The following DLC1 variants were observed in gnomAD, a reference collection of about 807,000 sequenced individuals.
DLC1 encodes the protein DLC1 Rho GTPase activating protein.
A neutral mutation model predicts 140.3 loss-of-function variants in DLC1; 54 were observed. The observed-to-expected ratio is 0.38, with a 90% CI of 0.31 to 0.48. The LOEUF is 0.48. Ranked by LOEUF, DLC1 falls within the 20% of genes least tolerant of loss-of-function variation. The pLI, the probability that DLC1 is intolerant of heterozygous loss-of-function variation, is 0.96. For synonymous variants in DLC1, 986 were observed against 728.1 expected, an observed-to-expected ratio of 1.35 and a Z score of -5.70; for missense variants, 2,536 against 1,907.0, an observed-to-expected ratio of 1.33 and a Z score of -6.14.
intron 1 of DLC1, among the ~76,000 whole-genome samples, chr8:13,541,074 C>G (rs532101509): frequency 6.6e-6 from 1 of 152,282 alleles, no homozygotes; most frequent in East Asian, 1.9e-4. Context: ...AGAAAATTAA[C>G]CAATTTTAAG....
intron 2 of DLC1, among the ~76,000 whole-genome samples, chr8:13,472,550 A>G (rs1033430117): frequency 6.6e-6 from 1 of 152,192 alleles, no homozygotes; most frequent in African/African-American, 2.4e-5. Flanking sequence ...GTCCCCAGAA[A>G]TCTTTAGTAG....
chr8:13,196,560 T>G (rs2117047925), intron 5 of DLC1, among the ~76,000 whole-genome samples: 1 of 152,342 alleles, frequency 6.6e-6, no homozygotes, highest in African/African-American at 2.4e-5. Flanking sequence ...TCTAATTCTG[T>G]GATTCTGTGG....
At chr8:13,342,836 TTCTCTCTCTC>T (rs1206303018) in intron 4 of DLC1, 1 of 126,180 alleles carries the variant, frequency 7.9e-6, no homozygotes, top group Non-Finnish European at 1.7e-5. Flanking sequence ...TCAGTTGTGC[TTCTCTCTCTC>T]TCTCTCTCTC....
chr8:13,567,747 C>T, intron 1 of DLC1: 4 of 1,552,036 alleles, frequency 2.6e-6, no homozygotes, highest in Non-Finnish European at 3.5e-6. Context: ...AAGACTTTCC[C>T]AGGCTTTCAG....
chr8:13,248,012 A>G (rs780140390), intron 5 of DLC1, among the ~76,000 whole-genome samples: 10 of 152,222 alleles, frequency 6.6e-5, no homozygotes, highest in African/African-American at 2.2e-4. Context: ...GCTGTCTACA[A>G]TGTTTAGTTA....
At chr8:13,396,377 T>A (rs1447312569) in intron 3 of DLC1, among the ~76,000 whole-genome samples, 3 of 152,234 alleles carry the variant, frequency 2.0e-5, no homozygotes, top group Non-Finnish European at 4.4e-5. Context: ...ATTTCCTGTT[T>A]GTGATTTGAT....
intron 5 of DLC1, among the ~76,000 whole-genome samples, chr8:13,203,520 G>C (rs183453048): frequency 6.6e-6 from 1 of 152,318 alleles, no homozygotes; most frequent in Non-Finnish European, 1.5e-5. Flanking sequence ...GGAAGAAGTT[G>C]AAGAAAACCT....
At chr8:13,449,464 A>G (rs1366318973) in intron 2 of DLC1, among the ~76,000 whole-genome samples, 1 of 152,164 alleles carries the variant, frequency 6.6e-6, no homozygotes, top group Non-Finnish European at 1.5e-5. Context: ...TCTATTATGT[A>G]CTGGCTATAG....
intron 1 of DLC1, among the ~76,000 whole-genome samples, chr8:13,551,047 A>AACACACACACAC (rs1554542230): frequency 1.6e-4 from 20 of 123,050 alleles, no homozygotes; most frequent in Middle Eastern, 4.4e-3. Flanking sequence ...GATTTCTTTA[A>AACACACACACAC]ACACACACAC....
At chr8:13,301,618 G>T (rs531349261) in intron 5 of DLC1, among the ~76,000 whole-genome samples, 2 of 152,328 alleles carry the variant, frequency 1.3e-5, no homozygotes, top group East Asian at 3.9e-4. Context: ...AGATGTGCTT[G>T]AGGGTATTCC....
At chr8:13,321,024 C>T (rs1307693963) in intron 4 of DLC1, among the ~76,000 whole-genome samples, 1 of 152,146 alleles carries the variant, frequency 6.6e-6, no homozygotes. Context: ...GCTTCTTGTA[C>T]AGCCCGCAGA....
chr8:13,103,551 G>A (rs1337460088), intron 7 of DLC1, among the ~76,000 whole-genome samples: 1 of 151,246 alleles, frequency 6.6e-6, no homozygotes, highest in African/African-American at 2.4e-5. Context: ...AGAAAGAAAA[G>A]TTTGTGACTC....
chr8:13,279,944 T>C (rs1831307774), intron 5 of DLC1, among the ~76,000 whole-genome samples: 2 of 151,894 alleles, frequency 1.3e-5, no homozygotes, highest in South Asian at 2.1e-4. Context: ...AGTGGAAATA[T>C]GAGTTCATTG....
intron 1 of DLC1, among the ~76,000 whole-genome samples, chr8:13,569,216 C>A (rs1429389256): frequency 6.6e-6 from 1 of 152,094 alleles, no homozygotes. Flanking sequence ...GTGGCATTAC[C>A]TGGAGATCAC....
At position 13,201,899 on chromosome 8, in the gene DLC1, T is replaced by TA. The variant is rs960905507; in HGVS notation, c.1349-86243dup. The stretch of plus-strand genomic sequence containing the variant: ...CATACAGATTATTTTCTCCCCCAGG[T>TA]ACTAAGTCTAGTACCCAAAAGGTTT... On this transcript the variant is annotated intron_variant, in intron 5 of 17. Transcript: ENST00000276297. Among the ~76,000 whole-genome samples, 23 of 151,190 alleles carry TA rather than the reference T, an allele frequency of 1.5e-4. No homozygotes were observed. In the South Asian group the frequency reaches 1.7e-3, roughly 11 times the overall value.
chr8:13,593,421 T>A (rs992136752), intron 1 of DLC1, among the ~76,000 whole-genome samples: 21 of 152,138 alleles, frequency 1.4e-4, no homozygotes, highest in Admixed American at 1.3e-3. Flanking sequence ...TTTGCACTGA[T>A]CGGTGAAATG....
chr8:13,311,995 C>CTGGT (rs1440348869), intron 4 of DLC1, among the ~76,000 whole-genome samples: 11 of 152,174 alleles, frequency 7.2e-5, no homozygotes, highest in African/African-American at 2.7e-4. Context: ...TGACAAAGCT[C>CTGGT]TGGTTGAGGC....
chr8:13,480,208 A>G (rs1277288281), intron 2 of DLC1, among the ~76,000 whole-genome samples: 5 of 152,252 alleles, frequency 3.3e-5, no homozygotes, highest in African/African-American at 1.2e-4. Context: ...AGACAGTTAA[A>G]TATGTTTGAT....
chr8:13,445,990 A>G (rs1469784791), intron 2 of DLC1, among the ~76,000 whole-genome samples: 1 of 152,184 alleles, frequency 6.6e-6, no homozygotes, highest in Non-Finnish European at 1.5e-5. Context: ...TTACTTGGTC[A>G]TACAGTTGTT....
Sources: allele counts gnomAD v4.1 joint callset (sites outside exome capture counted in the v4.1 genomes callset), GRCh38; gene constraint gnomAD v4.1.1; transcripts MANE v1.5; gene names NCBI Gene and HGNC (gene_info 2026-07-23, HGNC 2026-07-21).